CLK3: variants seen among roughly 807,000 people sequenced by gnomAD.
The protein encoded by CLK3 is dual specificity protein kinase CLK3.
In CLK3, 24 loss-of-function variants were observed where a neutral mutation model predicts 65.2. The ratio of observed to expected loss-of-function variants is 0.37; its 90% confidence interval spans 0.27 to 0.52. The LOEUF is 0.52. CLK3 is among the 20% of genes least tolerant of loss of function. CLK3 has a pLI of 0.92. For synonymous variants in CLK3, 252 were observed against 240.8 expected (o/e 1.05, Z -0.43); for missense variants, 506 against 660.0 (o/e 0.77, Z 2.56).
upstream of CLK3, among the ~76,000 whole-genome samples, chr15:74,611,111 C>T (rs1757051738): frequency 6.6e-6 from 1 of 152,202 alleles, no homozygotes; most frequent in Admixed American, 6.5e-5. Context: ...CCTTCACCTC[C>T]AGCAGTGTCC....
chr15:74,628,019 CTT>C lies in CLK3; in HGVS notation c.1094_1095del (p.Phe365Ter). 1.2e-6 allele frequency: 2 copies of C among 1,613,786 alleles called. No homozygotes were observed. Among genetic ancestry groups the C allele is most frequent in the Admixed American group, 1.7e-5 (1 of 60,018 alleles). The stretch of plus-strand genomic sequence containing the variant: ...ACGTCTGGAGCATTGGCTGCATTCT[CTT>C]TGAGTACTACCGGGGCTTCACACTC... ...CDVWSIGCIL[F>X]EYYRGFTLFQ... On this transcript the variant is annotated frameshift_variant, in exon 10 of 13. Coordinates refer to ENST00000395066, the MANE Select transcript of CLK3 (RefSeq NM_001130028.2). LOFTEE classifies it high-confidence loss of function.
In CLK3 at chr15:74,624,892, C is replaced by G; in HGVS notation, c.534-10C>G. On this transcript the variant is annotated splice_polypyrimidine_tract_variant and intron_variant, in intron 5 of 12. Coordinates refer to ENST00000395066, the MANE Select transcript of CLK3 (RefSeq NM_001130028.2). The surrounding 1 kb of genome is among the most constrained non-coding windows in gnomAD (Gnocchi z 4.2). ...CTGATGAGAACCTCTGTTTCCTTCC[C>G]GGGTACCAGAGGGAAGTCTCAGGTT... 6.3e-7 allele frequency: 1 copy of G among 1,589,570 alleles called. No individual in the cohort carries two copies.
rs1019964844 is a variant in CLK3, at chr15:74,624,675, G to C, written c.534-227G>C. 8.6e-6 allele frequency: 5 copies of C among 582,188 alleles called. No homozygotes were observed. Among genetic ancestry groups the C allele is most frequent in the Non-Finnish European group, 1.5e-5 (5 of 324,052 alleles). The allele number at this position is 582,188 out of a possible 1,614,324, so 36.1% of individuals were successfully genotyped here. A position where few individuals can be genotyped will look rare whatever the true frequency, so the allele number is the denominator to read the frequency against. ...GTGGCTGAGAACATAAAAGCCTAAG[G>C]ATGGCAAGGATGCTAAGAGCATTAA... On this transcript the variant is annotated intron_variant, in intron 5 of 12. Coordinates refer to ENST00000395066, the MANE Select transcript of CLK3 (RefSeq NM_001130028.2). The surrounding 1 kb of genome is among the most constrained non-coding windows in gnomAD (Gnocchi z 4.2).
chr15:74,625,984 CAAAAG>C lies in CLK3; in HGVS notation c.817+19_817+23del. The C allele has an allele frequency of 6.2e-7, 1 of 1,612,866 alleles. No homozygotes were observed. Among genetic ancestry groups the C allele is most frequent in the Non-Finnish European group, 8.5e-7 (1 of 1,178,980 alleles). Reference sequence around the variant, plus strand: ...GCCCTTAGATGTAAGTGTCCACCCTCAAAAGAAGCATGGGCAGCCACATGCCTGCA... The same window carrying C: ...GCCCTTAGATGTAAGTGTCCACCCTCAAGCATGGGCAGCCACATGCCTGCA... On this transcript the variant is annotated intron_variant, in intron 7 of 12. Coordinates refer to ENST00000395066, the MANE Select transcript of CLK3 (RefSeq NM_001130028.2).
chr15:74,622,374 A>G lies in CLK3; in HGVS notation c.467-120A>G. On this transcript the variant is annotated intron_variant, in intron 4 of 12. Transcript: ENST00000395066. This position sits in a 1 kb window ranked among gnomAD's most constrained non-coding sequence, Gnocchi z 4.6. ...CAGACACTAGCAACTTCCATTTTTA[A>G]GAGTGTAGCAGTGAGAGAGAAACCT... 9.6e-7 allele frequency: 1 copy of G among 1,042,272 alleles called. No individual in the cohort carries two copies. The highest frequency in any genetic ancestry group is 1.4e-6 in the Non-Finnish European group (1 of 697,212). 64.6% of individuals were successfully genotyped at this position (1,042,272 alleles called of 1,614,324 possible).
At chr15:74,610,283 C>T (rs1158589522) in intron 1 of CLK3, among the ~76,000 whole-genome samples, 8 of 152,244 alleles carry the variant, frequency 5.3e-5, no homozygotes, top group Admixed American at 1.3e-4. Flanking sequence ...ACCCCTCCCC[C>T]ACAGCCCAGC....
At chr15:74,618,994 C>G in intron 1 of CLK3, 3 of 573,284 alleles carry the variant, frequency 5.2e-6, no homozygotes, top group Middle Eastern at 4.8e-4. Flanking sequence ...TGTTTGTTCA[C>G]TGGCAGAGAA....
At chr15:74,626,190 C>T (rs1235111860) in intron 7 of CLK3, among the ~76,000 whole-genome samples, 6 of 152,208 alleles carry the variant, frequency 3.9e-5, no homozygotes, top group African/African-American at 1.4e-4. Flanking sequence ...ACCAGCCTCT[C>T]TACCCCCAGG....
At chr15:74,626,479 A>G (rs1331901349) in intron 7 of CLK3, among the ~76,000 whole-genome samples, 1 of 152,254 alleles carries the variant, frequency 6.6e-6, no homozygotes, top group Non-Finnish European at 1.5e-5. Flanking sequence ...GCGTTGAGCT[A>G]GAATCGCTCA....
intron 5 of CLK3, among the ~76,000 whole-genome samples, chr15:74,623,078 G>A (rs538760690): frequency 6.6e-6 from 1 of 152,344 alleles, no homozygotes; most frequent in East Asian, 1.9e-4. Flanking sequence ...CTAGGGTAGT[G>A]TGTGGTCTCC....
At position 74,622,531 on chromosome 15, in the gene CLK3, C is replaced by T; in HGVS notation, c.504C>T (p.Gly168=). ...GGAACCTGGGTGAAGGCACCTTTGG[C>T]AAGGTGGTGGAGTGCTTGGACCATG... ...IVGNLGEGTF[G]KVVECLDHAR... is the part of the protein sequence containing the mutation. The change falls in exon 5 of 13, where the codon GGC becomes GGT. Residue 168 remains glycine (G), a synonymous_variant. Transcript: ENST00000395066. The surrounding 1 kb of genome is among the most constrained non-coding windows in gnomAD (Gnocchi z 4.6). 2 of 1,613,300 alleles carry T rather than the reference C, an allele frequency of 1.2e-6. No homozygotes were observed. Among genetic ancestry groups the T allele is most frequent in the Non-Finnish European group, 8.5e-7 (1 of 1,179,648 alleles).
At position 74,626,304 on chromosome 15, in the gene CLK3, CAGAT is replaced by C. The variant is rs567782969; in HGVS notation, c.817+339_817+342del. On this transcript the variant is annotated intron_variant, in intron 7 of 12. Transcript: ENST00000395066. ...ATAAAAAGGTAGAAGCCTGACCTGA[CAGAT>C]AGCACCACAGGTCCTGCCCACATGG... 2.2e-3 allele frequency among the ~76,000 whole-genome samples: 331 copies of C among 152,364 alleles called. 1 individual carries two copies. Among genetic ancestry groups the C allele is most frequent in the African/African-American group, 7.5e-3 (312 of 41,578 alleles).
chr15:74,627,682 T>C lies in CLK3; in HGVS notation c.1042+14T>C. The C allele has an allele frequency of 6.2e-7, 1 of 1,613,282 alleles. No homozygotes were observed. The highest frequency in any genetic ancestry group is 1.3e-5 in the African/African-American group (1 of 75,052). On this transcript the variant is annotated intron_variant, in intron 9 of 12. Transcript: ENST00000395066. This position sits in a 1 kb window ranked among gnomAD's most constrained non-coding sequence, Gnocchi z 4.3. ...AGGTGATCCTTGGTGAGTGACTGTA[T>C]GGCCTGTGACCTTGTCATACTGGAC...
At chr15:74,612,066 T>C (rs1340504210), upstream of CLK3, among the ~76,000 whole-genome samples, 1 of 152,218 alleles carries the variant, frequency 6.6e-6, no homozygotes, top group Non-Finnish European at 1.5e-5. Context: ...ACAAACCCCA[T>C]TATCCTCACA....
Position 74,627,660 on chromosome 15 carries a change from T to G in CLK3, c.1034T>G (p.Val345Gly), listed in dbSNP as rs1596291410. ...ACCCGTCACTATCGCCCGCCTGAGG[T>G]GATCCTTGGTGAGTGACTGTATGGC... ...VATRHYRPPEVILELGWAQPC... is the reference protein window; with the variant it reads ...VATRHYRPPEGILELGWAQPC... The change falls in exon 9 of 13, where the codon GTG becomes GGG. Residue 345 changes from valine to glycine, a missense_variant. Coordinates refer to ENST00000395066, the MANE Select transcript of CLK3 (RefSeq NM_001130028.2). This position sits in a 1 kb window ranked among gnomAD's most constrained non-coding sequence, Gnocchi z 4.3. The G allele has an allele frequency of 6.2e-7, 1 of 1,613,534 alleles. No individual in the cohort carries two copies. The highest frequency in any genetic ancestry group is 8.5e-7 in the Non-Finnish European group (1 of 1,179,998).
At position 74,622,261 on chromosome 15, in the gene CLK3, C is replaced by G. The variant is rs754927844; in HGVS notation, c.466+45C>G. 7 of 1,571,736 alleles carry G rather than the reference C, an allele frequency of 4.5e-6. No homozygotes were observed. The highest frequency in any genetic ancestry group is 5.2e-6 in the Non-Finnish European group (6 of 1,146,374). On this transcript the variant is annotated intron_variant, in intron 4 of 12. Transcript: ENST00000395066. This position sits in a 1 kb window ranked among gnomAD's most constrained non-coding sequence, Gnocchi z 4.6. ...AACTTTACCTCTCTACTTTCTACCC[C>G]CCTTGTTAGACGAGACCTCTCCTGC...
chr15:74,627,318 G>A lies in CLK3; in HGVS notation c.818-34G>A. 1 of 1,564,280 alleles carries A rather than the reference G, an allele frequency of 6.4e-7. No individual in the cohort carries two copies. The highest frequency in any genetic ancestry group is 8.8e-7 in the Non-Finnish European group (1 of 1,134,826). On this transcript the variant is annotated intron_variant, in intron 7 of 12. Coordinates refer to ENST00000395066, the MANE Select transcript of CLK3 (RefSeq NM_001130028.2). The surrounding 1 kb of genome is among the most constrained non-coding windows in gnomAD (Gnocchi z 4.3). ...AGCTGGCAGGAGAGCCAGCTTCTCA[G>A]TGCCTACTTCCCCTTCTTTCCCTGC...
upstream of CLK3, among the ~76,000 whole-genome samples, chr15:74,611,785 G>C (rs1439830458): frequency 6.6e-6 from 1 of 152,254 alleles, no homozygotes; most frequent in African/African-American, 2.4e-5. Context: ...CATGGGCTCT[G>C]CCTCAGTGGG....
intron 3 of CLK3, chr15:74,620,426 C>T: frequency 1.4e-6 from 1 of 715,524 alleles, no homozygotes; most frequent in South Asian, 1.9e-5. Flanking sequence ...CTGGCTCTTT[C>T]CAGTGGCAAC....
Sources: allele counts gnomAD v4.1 joint callset (sites outside exome capture counted in the v4.1 genomes callset), GRCh38; gene constraint gnomAD v4.1.1; non-coding constraint Gnocchi (gnomAD v3.1); transcripts MANE v1.5; gene names NCBI Gene and HGNC (gene_info 2026-07-23, HGNC 2026-07-21).